Variants in PCDH9 observed in about 807,000 individuals in gnomAD.
PCDH9 encodes protocadherin-9.
A neutral mutation model predicts 70.6 loss-of-function variants in PCDH9; 24 were observed. That is an observed-to-expected ratio of 0.34 (90% CI 0.25 to 0.48). PCDH9 has a LOEUF of 0.48. PCDH9 is among the 20% of genes least tolerant of loss of function. The pLI is 0.99. For missense variants in PCDH9, 1,281 were observed against 1,503.6 expected (o/e 0.85, Z 2.45); for synonymous variants, 562 against 558.5 (o/e 1.01, Z -0.09).
intron 2 of PCDH9, among the ~76,000 whole-genome samples, chr13:66,968,319 G>T (rs541162792): frequency 6.6e-6 from 1 of 151,840 alleles, no homozygotes; most frequent in South Asian, 2.1e-4. Context: ...CTCTGATCAG[G>T]GCAGACAACT....
At chr13:66,326,526 C>G (rs1486207331) in intron 4 of PCDH9, among the ~76,000 whole-genome samples, 2 of 152,062 alleles carry the variant, frequency 1.3e-5, no homozygotes, top group Admixed American at 6.5e-5. Flanking sequence ...TTACGCCATT[C>G]TCCTGCCTCA....
At chr13:66,613,744 G>T (rs1257879151) in intron 4 of PCDH9, among the ~76,000 whole-genome samples, 3 of 119,434 alleles carry the variant, frequency 2.5e-5, no homozygotes, top group African/African-American at 8.8e-5. Flanking sequence ...TACTGTGTGC[G>T]ATGTCTGTAA....
At chr13:66,602,837 T>C (rs2077179880) in intron 4 of PCDH9, among the ~76,000 whole-genome samples, 1 of 145,764 alleles carries the variant, frequency 6.9e-6, no homozygotes, top group Non-Finnish European at 1.5e-5. Flanking sequence ...AAGTATACCA[T>C]CTTTGATCTT....
At chr13:66,637,735 A>G (rs919843978) in intron 3 of PCDH9, among the ~76,000 whole-genome samples, 8 of 132,088 alleles carry the variant, frequency 6.1e-5, no homozygotes, top group African/African-American at 2.2e-4. Flanking sequence ...AACACGGTGA[A>G]ACCCTGTCTC....
intron 2 of PCDH9, among the ~76,000 whole-genome samples, chr13:67,173,361 C>T (rs1235704371): frequency 1.3e-5 from 2 of 152,122 alleles, no homozygotes; most frequent in Non-Finnish European, 2.9e-5. Flanking sequence ...AGTATTAAAT[C>T]AGAAAATGTA....
intron 2 of PCDH9, among the ~76,000 whole-genome samples, chr13:67,195,520 T>A (rs1245429758): frequency 6.6e-6 from 1 of 152,140 alleles, no homozygotes; most frequent in Admixed American, 6.5e-5. Flanking sequence ...TTGAAAGCAA[T>A]AAAAATAATT....
In PCDH9 at chr13:67,039,038, G is replaced by A. The variant is rs148955737; in HGVS notation, c.3037-135433C>T. On this transcript the variant is annotated intron_variant, in intron 2 of 4. Coordinates refer to ENST00000377865, the MANE Select transcript of PCDH9 (RefSeq NM_203487.3). ...AATTAATTATATATTATGCCTATGT[G>A]ACAAAACTTTCATAAAAGCCTCCAG... 2.8e-4 allele frequency among the ~76,000 whole-genome samples: 42 copies of A among 152,268 alleles called. 1 individual carries two copies. Among genetic ancestry groups the A allele is most frequent in the African/African-American group, 9.6e-4 (40 of 41,556 alleles).
chr13:66,635,235 G>A (rs1436257169), intron 3 of PCDH9, among the ~76,000 whole-genome samples: 3 of 151,898 alleles, frequency 2.0e-5, no homozygotes, highest in Non-Finnish European at 4.4e-5. Context: ...TTATCCTGTG[G>A]GAAATATTTT....
At chr13:67,222,579 T>C (rs191088721) in intron 2 of PCDH9, 8 of 152,284 alleles carry the variant, frequency 5.3e-5, no homozygotes. Flanking sequence ...AAATTTAAGT[T>C]TGGTAAGCTT....
At chr13:66,775,958 G>T (rs2079885488) in intron 3 of PCDH9, among the ~76,000 whole-genome samples, 2 of 152,068 alleles carry the variant, frequency 1.3e-5, no homozygotes, top group African/African-American at 4.8e-5. Flanking sequence ...CAATATAAAG[G>T]TGTTTCCATC....
chr13:67,043,430 G>C (rs886756425), intron 2 of PCDH9, among the ~76,000 whole-genome samples: 1 of 152,146 alleles, frequency 6.6e-6, no homozygotes, highest in Non-Finnish European at 1.5e-5. Flanking sequence ...GAAAAGGAAA[G>C]GGGAAGAGGA....
intron 4 of PCDH9, among the ~76,000 whole-genome samples, chr13:66,607,557 T>C (rs1456877000): frequency 2.6e-5 from 4 of 152,088 alleles, no homozygotes; most frequent in Non-Finnish European, 5.9e-5. Flanking sequence ...AAAGTTAGTA[T>C]TAATTTCTCT....
intron 2 of PCDH9, among the ~76,000 whole-genome samples, chr13:67,147,165 A>C (rs1409825312): frequency 6.6e-6 from 1 of 152,078 alleles, no homozygotes; most frequent in African/African-American, 2.4e-5. Flanking sequence ...CGAAATCATC[A>C]TTTTCAGGCT....
chr13:66,491,738 A>C (rs1959037449), intron 4 of PCDH9, among the ~76,000 whole-genome samples: 1 of 152,100 alleles, frequency 6.6e-6, no homozygotes, highest in African/African-American at 2.4e-5. Flanking sequence ...TGTTTTTCTC[A>C]TAGAAAGGTA....
At chr13:66,356,498 A>T (rs367741624) in intron 4 of PCDH9, among the ~76,000 whole-genome samples, 1 of 151,872 alleles carries the variant, frequency 6.6e-6, no homozygotes, top group East Asian at 1.9e-4. Flanking sequence ...AATAGCCTTC[A>T]TTTGTCTTTC....
intron 4 of PCDH9, among the ~76,000 whole-genome samples, chr13:66,608,730 A>G (rs1361422564): frequency 6.6e-6 from 1 of 152,068 alleles, no homozygotes; most frequent in Non-Finnish European, 1.5e-5. Context: ...CTTTAGGCAA[A>G]AAGACCTCCG....
chr13:66,588,488 C>T (rs577900854), intron 4 of PCDH9, among the ~76,000 whole-genome samples: 13 of 31,770 alleles, frequency 4.1e-4, no homozygotes, highest in East Asian at 2.8e-3. Context: ...AAGGAGAGAA[C>T]GTCATATATA....
rs777415243 is a variant in PCDH9, at chr13:66,959,477, A to T, written c.3037-55872T>A. ...CTTAAGAAAAGACATCCTGGGCCTG[A>T]TTCAGTGGCTCAGGCTTGTAATTTC... On this transcript the variant is annotated intron_variant, in intron 2 of 4. Coordinates refer to ENST00000377865, the MANE Select transcript of PCDH9 (RefSeq NM_203487.3). 2.8e-4 allele frequency among the ~76,000 whole-genome samples: 42 copies of T among 152,272 alleles called. 3 individuals carry two copies. Among genetic ancestry groups the T allele is most frequent in the South Asian group, 8.3e-4 (4 of 4,816 alleles).
chr13:66,919,134 T>G (rs907374603), intron 2 of PCDH9, among the ~76,000 whole-genome samples: 8 of 151,308 alleles, frequency 5.3e-5, no homozygotes, highest in African/African-American at 1.9e-4. Context: ...CTTCTCACTA[T>G]TTAGTATTTC....
Sources: gnomAD v4.1 joint callset for allele counts (sites outside exome capture counted in the v4.1 genomes callset) on GRCh38, gnomAD v4.1.1 for gene constraint, MANE v1.5 for transcripts, NCBI Gene and HGNC (gene_info 2026-07-23, HGNC 2026-07-21) for gene names.